The following MBD5 variants were observed in gnomAD, a reference collection of about 807,000 sequenced individuals.
The protein encoded by MBD5 is methyl-CpG-binding domain protein 5.
A neutral mutation model predicts 117.3 loss-of-function variants in MBD5; 13 were observed. The ratio of observed to expected loss-of-function variants is 0.11; its 90% CI spans 0.07 to 0.18. The LOEUF is 0.18. Among genes scored for constraint, MBD5 ranks in the 10% least tolerant of loss-of-function variants. The pLI is 1.00. For missense variants in MBD5, 1,879 were observed against 2,093.8 expected (o/e 0.90, Z 2.00); for synonymous variants, 727 against 766.4 (o/e 0.95, Z 0.85).
rs191280542 is a variant in MBD5 at position 148,086,754 on chromosome 2, G to T, written c.-925+65070G>T. On this transcript the variant is annotated intron_variant, in intron 1 of 13. Transcript: ENST00000642680. ...GTTCTCTTCATTCTTTTCTTCTTTA[G>T]ATCTTAGGAAGTGCCCTGTCTAAAT... 5.7e-4 allele frequency among the ~76,000 whole-genome samples: 86 copies of T among 152,166 alleles called. No homozygotes were observed. The East Asian group carries it at 0.012, about 21-fold the overall frequency.
At chr2:148,106,094 A>C (rs1436841399) in intron 1 of MBD5, among the ~76,000 whole-genome samples, 1 of 135,354 alleles carries the variant, frequency 7.4e-6, no homozygotes, top group Non-Finnish European at 1.7e-5. Context: ...CATACTTAAA[A>C]ATAATGTGTA....
At chr2:148,368,409 G>A (rs1703763395) in intron 4 of MBD5, among the ~76,000 whole-genome samples, 2 of 151,962 alleles carry the variant, frequency 1.3e-5, no homozygotes, top group African/African-American at 4.8e-5. Flanking sequence ...AACCACCATG[G>A]CATGTGTATA....
intron 1 of MBD5, among the ~76,000 whole-genome samples, chr2:148,107,085 G>C (rs1696390749): frequency 6.6e-6 from 1 of 151,838 alleles, no homozygotes; most frequent in South Asian, 2.1e-4. Context: ...TATCCTGTGA[G>C]GATATTAGAG....
chr2:148,303,774 T>C (rs1701827127), intron 3 of MBD5, among the ~76,000 whole-genome samples: 1 of 152,236 alleles, frequency 6.6e-6, no homozygotes, highest in Non-Finnish European at 1.5e-5. Flanking sequence ...GTTGCAAATA[T>C]AGTTTGCTCA....
At chr2:148,212,640 C>T (rs557509393) in intron 2 of MBD5, among the ~76,000 whole-genome samples, 35 of 152,206 alleles carry the variant, frequency 2.3e-4, no homozygotes, top group African/African-American at 8.4e-4. Flanking sequence ...TTTAATCTTA[C>T]CTTTCAAAAC....
chr2:148,239,532 C>T (rs932060263), intron 3 of MBD5, among the ~76,000 whole-genome samples: 1 of 151,758 alleles, frequency 6.6e-6, no homozygotes, highest in African/African-American at 2.4e-5. Context: ...TTGTTTAAAC[C>T]AGGGCCACCT....
chr2:148,337,625 T>C (rs766340048), intron 3 of MBD5, among the ~76,000 whole-genome samples: 46 of 151,876 alleles, frequency 3.0e-4, no homozygotes, highest in Non-Finnish European at 5.7e-4. Flanking sequence ...CTGAGAGAGA[T>C]TTTTTACTCC....
intron 4 of MBD5, among the ~76,000 whole-genome samples, chr2:148,405,470 C>G (rs1461826463): frequency 6.6e-6 from 1 of 151,968 alleles, no homozygotes; most frequent in Non-Finnish European, 1.5e-5. Flanking sequence ...AAGAGCATGC[C>G]AGGAAAACGG....
At position 148,424,177 on chromosome 2, in the gene MBD5, C is replaced by CAAAAAAAAAAAAAAAAAAAAAAAAAA. The variant is rs56740583; in HGVS notation, c.-556-34012_-556-33987dup. Among the ~76,000 whole-genome samples the CAAAAAAAAAAAAAAAAAAAAAAAAAA allele has an allele frequency of 7.5e-5, 4 of 53,442 alleles. 1 individual carries two copies. The highest frequency in any genetic ancestry group is 1.3e-4 in the Non-Finnish European group (3 of 23,306). The allele number at this position is 53,442 out of a possible 152,430, so 35.1% of individuals were successfully genotyped here. A position where few individuals can be genotyped will look rare whatever the true frequency, so the allele number is the denominator to read the frequency against. ...TGGGCAACAGAGCAAGACTCTGTCTCAAAAAAAAAAAAAAAAAAAAAAAAA... is the reference window on the plus strand; with the variant it reads ...TGGGCAACAGAGCAAGACTCTGTCTCAAAAAAAAAAAAAAAAAAAAAAAAAAAAAAAAAAAAAAAAAAAAAAAAAAA... On this transcript the variant is annotated intron_variant, in intron 4 of 13. Transcript: ENST00000642680.
At chr2:148,198,600 AT>A (rs1699054373) in intron 2 of MBD5, among the ~76,000 whole-genome samples, 2 of 152,064 alleles carry the variant, frequency 1.3e-5, no homozygotes, top group South Asian at 2.1e-4. Context: ...ACTTTGTTTT[AT>A]TTTTTATTGT....
intron 4 of MBD5, among the ~76,000 whole-genome samples, chr2:148,353,876 C>T (rs1027749708): frequency 6.6e-6 from 1 of 152,062 alleles, no homozygotes; most frequent in Admixed American, 6.6e-5. Flanking sequence ...CCACCATGCC[C>T]ATCCTTTATT....
rs920985127 is a variant in MBD5, at chr2:148,484,066, C to G, written c.3475C>G (p.Pro1159Ala). ...TAATAATGCTGGGAATACACCTGGT[C>G]CAGCTAAACTCAACAGTAACTCTGT... is the stretch of plus-strand genomic sequence containing the variant. ...ISNNAGNTPG[P>A]AKLNSNSVVP... Residue 1159 changes from proline (P) to alanine (A), a missense_variant, in exon 9 of 14, where the codon CCA becomes GCA. Transcript: ENST00000642680. 6 of 1,548,016 alleles carry G rather than the reference C, an allele frequency of 3.9e-6. No individual in the cohort carries two copies. Among genetic ancestry groups the G allele is most frequent in the Non-Finnish European group, 5.2e-6 (6 of 1,145,684 alleles).
At chr2:148,215,239 T>C (rs1412471612) in intron 2 of MBD5, among the ~76,000 whole-genome samples, 1 of 152,218 alleles carries the variant, frequency 6.6e-6, no homozygotes, top group Non-Finnish European at 1.5e-5. Flanking sequence ...ACTGTCTGTT[T>C]TGTCCCTGCT....
At chr2:148,254,730 G>A (rs1451651357) in intron 3 of MBD5, among the ~76,000 whole-genome samples, 2 of 152,176 alleles carry the variant, frequency 1.3e-5, no homozygotes, top group African/African-American at 4.8e-5. Flanking sequence ...CATATGTTCA[G>A]TGTGATGACA....
chr2:148,095,419 T>C (rs1696043737), intron 1 of MBD5, among the ~76,000 whole-genome samples: 1 of 152,148 alleles, frequency 6.6e-6, no homozygotes, highest in South Asian at 2.1e-4. Flanking sequence ...TCATATTTTG[T>C]ATTATTGGTT....
chr2:148,467,204 C>T (rs1047731024), intron 7 of MBD5, among the ~76,000 whole-genome samples: 1 of 152,036 alleles, frequency 6.6e-6, no homozygotes, highest in African/African-American at 2.4e-5. Flanking sequence ...GCATATGAAA[C>T]AAATTTTACT....
At chr2:148,216,536 G>C (rs1375044898) in intron 2 of MBD5, among the ~76,000 whole-genome samples, 1 of 152,182 alleles carries the variant, frequency 6.6e-6, no homozygotes, top group Non-Finnish European at 1.5e-5. Flanking sequence ...TTGAATACAG[G>C]TATCTACCGT....
At chr2:148,150,321 C>T (rs199758142) in intron 1 of MBD5, among the ~76,000 whole-genome samples, 515 of 150,546 alleles carry the variant, frequency 3.4e-3, no homozygotes, top group East Asian at 8.4e-3. Context: ...GGTACCAGTA[C>T]CATGCTGTTT....
intron 3 of MBD5, among the ~76,000 whole-genome samples, chr2:148,338,826 T>C (rs1415549376): frequency 6.6e-6 from 1 of 152,028 alleles, no homozygotes. Flanking sequence ...TTCAAAAGCT[T>C]TAAGGGACAG....
Sources: allele counts gnomAD v4.1 joint callset (sites outside exome capture counted in the v4.1 genomes callset), GRCh38; gene constraint gnomAD v4.1.1; transcripts MANE v1.5; gene names NCBI Gene and HGNC (gene_info 2026-07-23, HGNC 2026-07-21).